PTPRN2: variants seen among roughly 807,000 people sequenced by gnomAD.
The protein encoded by PTPRN2 is protein tyrosine phosphatase receptor type N2.
PTPRN2 carries 74 observed loss-of-function variants against 118.8 expected under a neutral mutation model. The ratio of observed to expected loss-of-function variants is 0.62; its 90% CI spans 0.52 to 0.76. The LOEUF is 0.76. Among genes scored for constraint, PTPRN2 ranks in the 30% least tolerant of loss-of-function variants. The probability of loss-of-function intolerance (pLI) is 0.00; values close to 1 mark genes in which losing one functional copy is unlikely to be tolerated. For synonymous variants in PTPRN2, 641 were observed against 608.0 expected (o/e 1.05, Z -0.80); for missense variants, 1,481 against 1,394.4 (o/e 1.06, Z -0.99).
chr7:157,944,522 G>A lies in PTPRN2; in HGVS notation c.1724-45785C>T, dbSNP rs980532194. Among the ~76,000 whole-genome samples, 7 of 152,346 alleles carry A rather than the reference G, an allele frequency of 4.6e-5. No homozygotes were observed. Among genetic ancestry groups the A allele is most frequent in the African/African-American group, 1.7e-4 (7 of 41,572 alleles). On this transcript the variant is annotated intron_variant, in intron 11 of 22. Transcript: ENST00000389418. This position sits in a 1 kb window ranked among gnomAD's most constrained non-coding sequence, Gnocchi z 4.3. ...AAAAGTTTCATGGAAAAAGCTTCCT[G>A]CAAGCATCCGCACTGCTGCAAATAT... is the stretch of plus-strand genomic sequence containing the variant.
chr7:158,313,209 G>A (rs1257788044), intron 3 of PTPRN2, among the ~76,000 whole-genome samples: 1 of 152,170 alleles, frequency 6.6e-6, no homozygotes, highest in Non-Finnish European at 1.5e-5. Flanking sequence ...CCTGCATCCT[G>A]GACTAGACAC....
At chr7:157,827,801 G>T (rs1358428659) in intron 12 of PTPRN2, among the ~76,000 whole-genome samples, 1 of 152,236 alleles carries the variant, frequency 6.6e-6, no homozygotes, top group Non-Finnish European at 1.5e-5. Context: ...GCCCTCGCCG[G>T]CTGTGATGCT....
At chr7:157,858,147 CCG>C (rs1809902713) in intron 12 of PTPRN2, among the ~76,000 whole-genome samples, 1 of 33,536 alleles carries the variant, frequency 3.0e-5, no homozygotes, top group Non-Finnish European at 6.2e-5. Context: ...AGGGAGAGCC[CCG>C]TCACCACCCA....
chr7:157,877,385 C>T (rs1405488662), intron 12 of PTPRN2, among the ~76,000 whole-genome samples: 1 of 151,056 alleles, frequency 6.6e-6, no homozygotes, highest in African/African-American at 2.4e-5. Flanking sequence ...TCTCGGGGAC[C>T]CGAGATCTGA....
At chr7:158,294,141 G>A (rs891729707) in intron 3 of PTPRN2, among the ~76,000 whole-genome samples, 1 of 152,140 alleles carries the variant, frequency 6.6e-6, no homozygotes, top group African/African-American at 2.4e-5. Context: ...ACATCATGAG[G>A]GCCACAAGGT....
At chr7:157,852,863 CAAAAA>C (rs58298308) in intron 12 of PTPRN2, among the ~76,000 whole-genome samples, 2 of 102,702 alleles carry the variant, frequency 1.9e-5, no homozygotes, top group African/African-American at 3.9e-5. Flanking sequence ...GCAAGTCTCT[CAAAAA>C]AAAAAAAAAA....
At chr7:158,057,129 T>A (rs1226554796) in intron 11 of PTPRN2, among the ~76,000 whole-genome samples, 1 of 152,196 alleles carries the variant, frequency 6.6e-6, no homozygotes, top group Non-Finnish European at 1.5e-5. Flanking sequence ...CGCGGGAGCA[T>A]CTATCATCAA....
Position 158,106,921 on chromosome 7 carries a change from A to G in PTPRN2, c.1643+3908T>C, listed in dbSNP as rs144187683. 3.3e-3 allele frequency among the ~76,000 whole-genome samples: 510 copies of G among 152,298 alleles called. 2 individuals carry two copies. Among genetic ancestry groups the G allele is most frequent in the African/African-American group, 0.011 (473 of 41,556 alleles). ...AAGAGGAAGATTTTAAGATCCTGGAAGCATCTCAGCTCTTTCAGGTCTTGG... is the reference window on the plus strand; with the variant it reads ...AAGAGGAAGATTTTAAGATCCTGGAGGCATCTCAGCTCTTTCAGGTCTTGG... On this transcript the variant is annotated intron_variant, in intron 10 of 22. Coordinates refer to ENST00000389418, the MANE Select transcript of PTPRN2 (RefSeq NM_002847.5).
chr7:158,052,537 C>T (rs1194821191), intron 11 of PTPRN2, among the ~76,000 whole-genome samples: 2 of 152,200 alleles, frequency 1.3e-5, no homozygotes, highest in Non-Finnish European at 2.9e-5. Flanking sequence ...TAGAGGGGTG[C>T]GGCCGCTGCT....
rs111613754 is a variant in PTPRN2, at chr7:158,361,436, C to T, written c.164-44504G>A. 3.5e-3 allele frequency among the ~76,000 whole-genome samples: 531 copies of T among 152,342 alleles called. 7 individuals are homozygous for T. Among genetic ancestry groups the T allele is most frequent in the African/African-American group, 0.012 (498 of 41,576 alleles). On this transcript the variant is annotated intron_variant, in intron 2 of 22. Transcript: ENST00000389418. ...GACTCTTCATCCATCCTTGCCCAGACCCCATCACAGCTGGCTGGAGAAGGA... is the reference window on the plus strand; with the variant it reads ...GACTCTTCATCCATCCTTGCCCAGATCCCATCACAGCTGGCTGGAGAAGGA...
chr7:157,853,064 C>G (rs1328734414), intron 12 of PTPRN2, among the ~76,000 whole-genome samples: 1 of 152,096 alleles, frequency 6.6e-6, no homozygotes, highest in East Asian at 1.9e-4. Context: ...TGGGGCCGTC[C>G]TCTCTCCGCC....
chr7:157,925,751 A>C (rs1161149322), intron 11 of PTPRN2, among the ~76,000 whole-genome samples: 2 of 151,188 alleles, frequency 1.3e-5, no homozygotes, highest in African/African-American at 4.9e-5. Flanking sequence ...GCTGTGGGTC[A>C]GGGTCAGTCC....
At chr7:157,950,615 G>C (rs1800748549) in intron 11 of PTPRN2, among the ~76,000 whole-genome samples, 1 of 152,186 alleles carries the variant, frequency 6.6e-6, no homozygotes, top group Non-Finnish European at 1.5e-5. Flanking sequence ...AGATTCCTTT[G>C]TTATTTGTGA....
At chr7:158,192,696 C>T (rs1424480064) in intron 4 of PTPRN2, among the ~76,000 whole-genome samples, 1 of 152,134 alleles carries the variant, frequency 6.6e-6, no homozygotes, top group East Asian at 1.9e-4. Context: ...TGGCTAACAG[C>T]ACCTGCCTCG....
At chr7:158,139,910 G>C (rs1437317159) in intron 6 of PTPRN2, among the ~76,000 whole-genome samples, 1 of 152,050 alleles carries the variant, frequency 6.6e-6, no homozygotes, top group East Asian at 1.9e-4. Flanking sequence ...CAAACGAGAG[G>C]GTAAAGGAGA....
chr7:157,939,317 T>G (rs1799907146), intron 11 of PTPRN2, among the ~76,000 whole-genome samples: 1 of 152,234 alleles, frequency 6.6e-6, no homozygotes, highest in African/African-American at 2.4e-5. Flanking sequence ...AAGGTTTCCA[T>G]CACTGAGCGG....
chr7:158,444,177 G>C (rs559738697), intron 2 of PTPRN2, among the ~76,000 whole-genome samples: 2 of 152,216 alleles, frequency 1.3e-5, no homozygotes, highest in South Asian at 4.1e-4. Flanking sequence ...GCACCCCTCC[G>C]GCAGCCTCGC....
chr7:157,816,169 C>G (rs1202794276), intron 12 of PTPRN2, among the ~76,000 whole-genome samples: 1 of 152,198 alleles, frequency 6.6e-6, no homozygotes, highest in Non-Finnish European at 1.5e-5. Context: ...CCAGAGACCC[C>G]CCAGCCCTGC....
chr7:158,005,075 A>AT (rs67167916), intron 11 of PTPRN2, among the ~76,000 whole-genome samples: 79,664 of 140,192 alleles, frequency 0.57, 23,567 homozygotes, highest in East Asian at 0.8. Flanking sequence ...TGTGGCCACT[A>AT]TTTTTTTTTT....
Sources: gnomAD v4.1 joint callset for allele counts (sites outside exome capture counted in the v4.1 genomes callset) on GRCh38, gnomAD v4.1.1 for gene constraint, Gnocchi (gnomAD v3.1) non-coding constraint, MANE v1.5 for transcripts, NCBI Gene and HGNC (gene_info 2026-07-23, HGNC 2026-07-21) for gene names.